The following TYRP1 variants were observed in gnomAD, a reference collection of about 807,000 sequenced individuals.
TYRP1 encodes the protein tyrosinase related protein 1, also known as 5,6-dihydroxyindole-2-carboxylic acid oxidase.
In TYRP1, 49 loss-of-function variants were observed where a neutral mutation model predicts 42.8. That is an observed-to-expected ratio of 1.14 (90% CI 0.91 to 1.45). TYRP1 has a LOEUF of 1.45. Ranked by LOEUF, TYRP1 falls within the 40% of genes most tolerant of loss-of-function variation. The pLI, the probability that TYRP1 is intolerant of heterozygous loss-of-function variation, is 0.00. For synonymous variants in TYRP1, 279 were observed against 235.4 expected, an observed-to-expected ratio of 1.19 and a Z score of -1.69; for missense variants, 848 against 662.0, an observed-to-expected ratio of 1.28 and a Z score of -3.08.
At chr9:12,702,950 C>G (rs549931134) in intron 5 of TYRP1, among the ~76,000 whole-genome samples, 10 of 151,952 alleles carry the variant, frequency 6.6e-5, no homozygotes, top group Admixed American at 3.3e-4. Context: ...TCTACTGATG[C>G]TTAACTTGGT....
At chr9:12,704,778 G>T in intron 6 of TYRP1, 73 bp downstream of exon 6, 1 of 1,453,116 alleles carries the variant, frequency 6.9e-7, no homozygotes, top group African/African-American at 1.4e-5. Flanking sequence ...ATCAGTTCAA[G>T]CTGAGCACTC....
chr9:12,706,892 C>G (rs1026867968), intron 6 of TYRP1, among the ~76,000 whole-genome samples: 4 of 151,806 alleles, frequency 2.6e-5, no homozygotes, highest in Non-Finnish European at 5.9e-5. Flanking sequence ...ATAGAAAGCT[C>G]TTTACAAATT....
chr9:12,693,767 TTGTGTGAAATGTCAC>T, intron 1 of TYRP1, 130 bp from the exon 2 acceptor site: 1 of 568,150 alleles, frequency 1.8e-6, no homozygotes. Context: ...AAGGTAAAAT[TTGTGTGAAATGTCAC>T]ACTTTTATTA....
At chr9:12,704,883 G>C (rs964336097) in intron 6 of TYRP1, among the ~76,000 whole-genome samples, 178 bp downstream of exon 6, 3 of 151,974 alleles carry the variant, frequency 2.0e-5, no homozygotes, top group African/African-American at 7.2e-5. Flanking sequence ...CAGGCAAGAA[G>C]TCTCTCCAAA....
chr9:12,693,661 T>C (rs187129841), intron 1 of TYRP1, among the ~76,000 whole-genome samples, 183 bp downstream of exon 1: 1 of 151,310 alleles, frequency 6.6e-6, no homozygotes, highest in Non-Finnish European at 1.5e-5. Flanking sequence ...TGATAACTGA[T>C]ATCTAGTATG....
chr9:12,699,980 T>C (rs1057459419), intron 4 of TYRP1: 1 of 152,096 alleles, frequency 6.6e-6, no homozygotes, highest in Non-Finnish European at 1.5e-5. Flanking sequence ...GTCTCCTAAC[T>C]CAGACACATA....
chr9:12,705,676 G>A (rs796833121), intron 6 of TYRP1, among the ~76,000 whole-genome samples: 14 of 151,972 alleles, frequency 9.2e-5, no homozygotes, highest in African/African-American at 3.1e-4. Flanking sequence ...GTGAAACCCC[G>A]TCTCTACTAA....
chr9:12,703,883 A>ATGTGTG (rs58360847), intron 5 of TYRP1, among the ~76,000 whole-genome samples: 30,521 of 143,098 alleles, frequency 0.21, 4,089 homozygotes, highest in African/African-American at 0.39. Context: ...ATATATATAT[A>ATGTGTG]TGTGTGTGTG....
Position 12,695,861 on chromosome 9 carries a change from G to T in TYRP1, c.708+24G>T, listed in dbSNP as rs190345576. On this transcript the variant is annotated intron_variant, in intron 3 of 7. Transcript: ENST00000388918. ...AGGTATGTAAGAAGCATTTCAGTTT[G>T]CAGACTCTTTACAGACAAGATGCCT... 3.6e-4 allele frequency: 580 copies of T among 1,610,058 alleles called. 2 individuals carry two copies. In the African/African-American group the frequency reaches 6.9e-3, roughly 19 times the overall value.
rs1271978102 is a variant in TYRP1, at chr9:12,710,268, T to C, written c.*1086T>C. On this transcript the variant is annotated 3_prime_UTR_variant, in exon 8 of 8. Coordinates refer to ENST00000388918, the MANE Select transcript of TYRP1 (RefSeq NM_000550.3). ...AATTGGTAAAAATAAATAATAACAG[T>C]AATAATCATGCACTATAGAAAATGG... 2 of 144,916 alleles carry C rather than the reference T, an allele frequency of 1.4e-5. No individual in the cohort carries two copies. Among genetic ancestry groups the C allele is most frequent in the African/African-American group, 4.9e-5 (2 of 40,546 alleles). 9.0% of individuals were successfully genotyped at this position (144,916 alleles called of 1,614,324 possible). A position where few individuals can be genotyped will look rare whatever the true frequency, so the allele number is the denominator to read the frequency against.
intron 5 of TYRP1, 64 bp downstream of exon 5, chr9:12,702,502 A>C: frequency 6.5e-7 from 1 of 1,536,798 alleles, no homozygotes; most frequent in Non-Finnish European, 8.9e-7. Context: ...ATTATTCAAA[A>C]GCAAGTTTCT....
intron 2 of TYRP1, 42 bp from the exon 3 acceptor site, chr9:12,695,473 G>A (rs767719230): frequency 2.8e-5 from 45 of 1,592,910 alleles, no homozygotes; most frequent in Middle Eastern, 1.7e-4. Flanking sequence ...ACCCATCCCC[G>A]CAAGGCAGAT....
chr9:12,695,783 A>G lies in TYRP1; in HGVS notation c.654A>G (p.Pro218=), dbSNP rs1251437989. 6.2e-7 allele frequency: 1 copy of G among 1,614,032 alleles called. No homozygotes were observed. The highest frequency in any genetic ancestry group is 8.5e-7 in the Non-Finnish European group (1 of 1,180,032). The change falls in exon 3 of 8, where the codon CCA becomes CCG. Residue 218 remains proline, a synonymous_variant. Transcript: ENST00000388918. ...FGEVDFSHEG[P]AFLTWHRYHL... The stretch of plus-strand genomic sequence containing the variant: ...AAGTGGATTTCTCTCATGAGGGACC[A>G]GCTTTTCTCACATGGCACAGGTACC...
intron 3 of TYRP1, 78 bp from the exon 4 acceptor site, chr9:12,698,373 C>G: frequency 2.2e-6 from 3 of 1,366,746 alleles, no homozygotes; most frequent in Non-Finnish European, 3.1e-6. Context: ...TAGAAATAGA[C>G]TGTCAGAGAG....
In TYRP1 at chr9:12,709,898, A is replaced by G. The variant is rs1818331152; in HGVS notation, c.*716A>G. 1 of 152,940 alleles carries G rather than the reference A, an allele frequency of 6.5e-6. No homozygotes were observed. The highest frequency in any genetic ancestry group is 1.5e-5 in the Non-Finnish European group (1 of 68,702). The allele number at this position is 152,940 out of a possible 1,614,324, so 9.5% of individuals were successfully genotyped here. A position where few individuals can be genotyped will look rare whatever the true frequency, so the allele number is the denominator to read the frequency against. ...CTGCCTCTCAATTCGCTGAAAAAGG[A>G]ACTACCTATCCTTACATTTCACCTA... On this transcript the variant is annotated 3_prime_UTR_variant, in exon 8 of 8. Transcript: ENST00000388918.
At chr9:12,695,928 A>AAATGTTCT in intron 3 of TYRP1, 91 bp downstream of exon 3, 2 of 1,429,474 alleles carry the variant, frequency 1.4e-6, no homozygotes, top group Non-Finnish European at 1.9e-6. Context: ...CAGAATCATC[A>AAATGTTCT]GAACATTTGA....
At chr9:12,703,349 T>C (rs182760000) in intron 5 of TYRP1, among the ~76,000 whole-genome samples, 2 of 152,066 alleles carry the variant, frequency 1.3e-5, no homozygotes, top group Admixed American at 1.3e-4. Flanking sequence ...GTCTCAAAAT[T>C]ATATGCCATA....
chr9:12,704,862 C>T (rs530584311), intron 6 of TYRP1, among the ~76,000 whole-genome samples, 157 bp downstream of exon 6: 1 of 152,128 alleles, frequency 6.6e-6, no homozygotes, highest in South Asian at 2.1e-4. Context: ...TTCAATTCTA[C>T]TTTGAAAATG....
At position 12,694,267 on chromosome 9, in the gene TYRP1, C is replaced by A. The variant is rs1818041111; in HGVS notation, c.271C>A (p.Pro91Thr). Residue 91 changes from proline (P) to threonine (T), a missense_variant, in exon 2 of 8, where the codon CCC (proline) becomes ACC (threonine). Coordinates refer to ENST00000388918, the MANE Select transcript of TYRP1 (RefSeq NM_000550.3). ...TGGCAGAGATGATCGGGAGGTCTGG[C>A]CCTTGCGCTTCTTCAATAGGACATG... ...HDGRDDREVW[P>T]LRFFNRTCHC... 1 of 1,613,624 alleles carries A rather than the reference C, an allele frequency of 6.2e-7. No individual in the cohort carries two copies. The highest frequency in any genetic ancestry group is 1.1e-5 in the South Asian group (1 of 91,010).
Sources: allele counts gnomAD v4.1 joint callset (sites outside exome capture counted in the v4.1 genomes callset), GRCh38; gene constraint gnomAD v4.1.1; transcripts MANE v1.5; gene names NCBI Gene and HGNC (gene_info 2026-07-23, HGNC 2026-07-21).